Variants in NEIL3 observed in about 807,000 individuals in gnomAD.
The protein encoded by NEIL3 is endonuclease 8-like 3.
A neutral mutation model predicts 57.5 loss-of-function variants in NEIL3; 48 were observed. That is an observed-to-expected ratio of 0.83 (90% CI 0.66 to 1.06). NEIL3 has a LOEUF of 1.06. Ranked by LOEUF, NEIL3 falls within the 50% of genes least tolerant of loss-of-function variation. NEIL3 has a pLI of 0.00. For synonymous variants in NEIL3, 261 were observed against 253.2 expected, an observed-to-expected ratio of 1.03 and a Z score of -0.29; for missense variants, 717 against 739.1, an observed-to-expected ratio of 0.97 and a Z score of 0.35.
intron 6 of NEIL3, among the ~76,000 whole-genome samples, chr4:177,348,642 G>A (rs540955671): frequency 1.3e-5 from 2 of 152,146 alleles, no homozygotes; most frequent in African/African-American, 4.8e-5. Flanking sequence ...AGTGTGCAGA[G>A]GACACGTCAA....
intron 1 of NEIL3, among the ~76,000 whole-genome samples, chr4:177,316,726 A>G (rs1194548422): frequency 6.6e-6 from 1 of 152,166 alleles, no homozygotes; most frequent in Non-Finnish European, 1.5e-5. Context: ...CATCAAGGAT[A>G]TTAGCTAAAC....
chr4:177,311,811 C>T (rs1254259243), intron 1 of NEIL3, among the ~76,000 whole-genome samples: 1 of 151,846 alleles, frequency 6.6e-6, no homozygotes, highest in Non-Finnish European at 1.5e-5. Context: ...CTGCAGAAAT[C>T]CAGGTGACAA....
In NEIL3 at chr4:177,351,462, G is replaced by C. The variant is rs754185854; in HGVS notation, c.952G>C (p.Glu318Gln). ...TATGGACTCCGTGGCTCGGAAGTCG[G>C]AAGAGCACTGGACCTGTGTGGTGTG... ...HVMDSVARKSEEHWTCVVCTL... is the reference protein window; with the variant it reads ...HVMDSVARKSQEHWTCVVCTL... The change falls in exon 7 of 10, where the codon GAA becomes CAA. Residue 318 changes from glutamate (E) to glutamine (Q), a missense_variant. Coordinates refer to ENST00000264596, the MANE Select transcript of NEIL3 (RefSeq NM_018248.3). The C allele has an allele frequency of 2.5e-6, 4 of 1,614,006 alleles. No individual in the cohort carries two copies. The South Asian group carries it at 3.3e-5, about 13-fold the overall frequency.
intron 6 of NEIL3, among the ~76,000 whole-genome samples, chr4:177,346,995 C>CCG (rs1735233328): frequency 8.3e-6 from 1 of 120,328 alleles, no homozygotes; most frequent in East Asian, 2.0e-4. Flanking sequence ...GAGCGAGACT[C>CCG]CGTCTCAAAA....
intron 4 of NEIL3, among the ~76,000 whole-genome samples, chr4:177,338,167 A>G (rs1735015865): frequency 6.6e-6 from 1 of 152,202 alleles, no homozygotes; most frequent in African/African-American, 2.4e-5. Flanking sequence ...AGTAATAAAT[A>G]TTTTGGATGT....
chr4:177,343,971 A>T (rs1428448465), intron 6 of NEIL3, among the ~76,000 whole-genome samples: 16 of 152,104 alleles, frequency 1.1e-4, no homozygotes. Context: ...AATGTTCTGT[A>T]TTGGTTTTCT....
chr4:177,346,611 T>C (rs1361399492), intron 6 of NEIL3, among the ~76,000 whole-genome samples: 1 of 152,196 alleles, frequency 6.6e-6, no homozygotes, highest in Non-Finnish European at 1.5e-5. Flanking sequence ...CCTTTCTGCC[T>C]CTCCTCCCTC....
chr4:177,323,470 A>G (rs973917159), intron 2 of NEIL3, among the ~76,000 whole-genome samples: 4 of 152,168 alleles, frequency 2.6e-5, no homozygotes, highest in South Asian at 2.1e-4. Context: ...CATCTACCAC[A>G]TATTTAGAGT....
At chr4:177,366,571 G>A (rs149620887), downstream of NEIL3, among the ~76,000 whole-genome samples, 3,169 of 152,182 alleles carry the variant, frequency 0.021, 114 homozygotes, top group African/African-American at 0.071. Flanking sequence ...GCTAATTTTT[G>A]TACTTTTAGT....
downstream of NEIL3, among the ~76,000 whole-genome samples, chr4:177,364,669 C>G (rs997322199): frequency 6.6e-6 from 1 of 152,164 alleles, no homozygotes; most frequent in African/African-American, 2.4e-5. Flanking sequence ...GTGGCTCACA[C>G]CTGTAATCCC....
At chr4:177,325,544 T>A (rs569018301) in intron 2 of NEIL3, among the ~76,000 whole-genome samples, 2 of 152,222 alleles carry the variant, frequency 1.3e-5, no homozygotes, top group African/African-American at 4.8e-5. Flanking sequence ...TGGACATACA[T>A]TTTCATTTCT....
chr4:177,342,688 T>A (rs1735120618), intron 6 of NEIL3, among the ~76,000 whole-genome samples: 1 of 152,194 alleles, frequency 6.6e-6, no homozygotes, highest in Admixed American at 6.5e-5. Flanking sequence ...ATTTGAAATT[T>A]ACCTTAAAAA....
At chr4:177,350,651 T>C (rs978312633) in intron 6 of NEIL3, among the ~76,000 whole-genome samples, 1 of 152,168 alleles carries the variant, frequency 6.6e-6, no homozygotes, top group Non-Finnish European at 1.5e-5. Context: ...ATGAAGTAAA[T>C]ATAAAACTTT....
At chr4:177,345,806 C>T (rs1303755810) in intron 6 of NEIL3, among the ~76,000 whole-genome samples, 1 of 151,006 alleles carries the variant, frequency 6.6e-6, no homozygotes, top group Admixed American at 6.6e-5. Flanking sequence ...TCTCCTACCT[C>T]GGCCTCCCAG....
chr4:177,321,298 T>A (rs1043989855), intron 1 of NEIL3, among the ~76,000 whole-genome samples: 1 of 152,182 alleles, frequency 6.6e-6, no homozygotes, highest in African/African-American at 2.4e-5. Flanking sequence ...CAAAAGAAGT[T>A]AGAGGTAAAT....
chr4:177,350,653 T>C (rs761439272), intron 6 of NEIL3, among the ~76,000 whole-genome samples: 2 of 152,182 alleles, frequency 1.3e-5, no homozygotes, highest in African/African-American at 2.4e-5. Flanking sequence ...GAAGTAAATA[T>C]AAAACTTTCA....
intron 1 of NEIL3, among the ~76,000 whole-genome samples, chr4:177,311,526 TAGTC>T (rs956656250): frequency 7.3e-5 from 11 of 151,530 alleles, no homozygotes; most frequent in African/African-American, 2.2e-4. Flanking sequence ...AATAAAAAAT[TAGTC>T]AGGCATGCTG....
At chr4:177,324,517 A>G (rs1012176355) in intron 2 of NEIL3, among the ~76,000 whole-genome samples, 3 of 152,158 alleles carry the variant, frequency 2.0e-5, no homozygotes. Context: ...TTAGAGAGTG[A>G]TTACTTCTCT....
Position 177,335,728 on chromosome 4 carries a change from C to G in NEIL3, c.319C>G (p.Leu107Val), listed in dbSNP as rs1734962448. 6.2e-7 allele frequency: 1 copy of G among 1,600,760 alleles called. No individual in the cohort carries two copies. The highest frequency in any genetic ancestry group is 1.1e-5 in the South Asian group (1 of 87,760). ...GAAAGGCTTCATCATGATTAATCCA[C>G]TTGAGTATAAATATAAAAATGGAGC... ...GMKGFIMINPLEYKYKNGASP... is the reference protein window; with the variant it reads ...GMKGFIMINPVEYKYKNGASP... Residue 107 changes from leucine (L) to valine (V), a missense_variant, in exon 3 of 10, where the codon CTT becomes GTT. Coordinates refer to ENST00000264596, the MANE Select transcript of NEIL3 (RefSeq NM_018248.3).
Sources: allele counts gnomAD v4.1 joint callset (sites outside exome capture counted in the v4.1 genomes callset), GRCh38; gene constraint gnomAD v4.1.1; transcripts MANE v1.5; gene names NCBI Gene and HGNC (gene_info 2026-07-23, HGNC 2026-07-21).